The following SMARCA2 variants were observed in gnomAD, a reference collection of about 807,000 sequenced individuals.
SMARCA2 encodes the protein SWI/SNF related BAF chromatin remodeling complex subunit ATPase 2.
SMARCA2 carries 61 observed loss-of-function variants against 199.8 expected under a neutral mutation model. The observed-to-expected ratio is 0.31, with a 90% CI of 0.25 to 0.38. The LOEUF (loss-of-function observed/expected upper bound fraction) is 0.38. Ranked by LOEUF, SMARCA2 falls within the 10% of genes least tolerant of loss-of-function variation. The pLI, the probability that SMARCA2 is intolerant of heterozygous loss-of-function variation, is 1.00. For missense variants in SMARCA2, 1,344 were observed against 2,012.2 expected (o/e 0.67, Z 6.35); for synonymous variants, 935 against 732.0 (o/e 1.28, Z -4.48).
intron 10 of SMARCA2, among the ~76,000 whole-genome samples, chr9:2,072,361 A>G (rs1821125120): frequency 6.6e-6 from 1 of 152,250 alleles, no homozygotes; most frequent in African/African-American, 2.4e-5. Flanking sequence ...GTTACTGATT[A>G]TATTCAAGTG....
Position 2,058,524 on chromosome 9 carries a change from A to C in SMARCA2, c.1521+60A>C. The C allele has an allele frequency of 4.4e-6, 6 of 1,361,134 alleles. No homozygotes were observed. In the South Asian group the frequency reaches 6.3e-5, roughly 14 times the overall value. The allele number at this position is 1,361,134 out of a possible 1,614,324, so 84.3% of individuals were successfully genotyped here. A position where few individuals can be genotyped will look rare whatever the true frequency, so the allele number is the denominator to read the frequency against. On this transcript the variant is annotated intron_variant, in intron 8 of 33. Transcript: ENST00000349721. ...TCAACCCACGTCCGTCTGCAATGAG[A>C]CCATTAAATATGGTGGTAGTAGAAG... is the stretch of plus-strand genomic sequence containing the variant.
Position 2,152,784 on chromosome 9 carries a change from G to A in SMARCA2, c.3982-8902G>A, listed in dbSNP as rs1586760894. The stretch of plus-strand genomic sequence containing the variant: ...GGAGAATCACTTGAACCTGGGAGGC[G>A]GAGGTTTCAGTGAGCCAAGATCACG... On this transcript the variant is annotated intron_variant, in intron 27 of 33. Transcript: ENST00000349721. Among the ~76,000 whole-genome samples, 11 of 143,998 alleles carry A rather than the reference G, an allele frequency of 7.6e-5. 1 individual carries two copies. The highest frequency in any genetic ancestry group is 1.5e-5 in the Non-Finnish European group (1 of 65,696). 94.5% of individuals were successfully genotyped at this position (143,998 alleles called of 152,430 possible).
intron 1 of SMARCA2, chr9:2,015,834 T>C (rs1818330893): frequency 6.6e-6 from 1 of 151,956 alleles, no homozygotes; most frequent in South Asian, 2.1e-4. Context: ...CAGGTTGCAA[T>C]CCCCCCATCC....
At chr9:2,140,095 T>G (rs1051722034) in intron 27 of SMARCA2, among the ~76,000 whole-genome samples, 1 of 152,184 alleles carries the variant, frequency 6.6e-6, no homozygotes, top group Non-Finnish European at 1.5e-5. Flanking sequence ...TGCAAATTAG[T>G]TGGGGACTTC....
At chr9:2,148,626 TTTTC>T (rs1445131181) in intron 27 of SMARCA2, among the ~76,000 whole-genome samples, 2 of 151,214 alleles carry the variant, frequency 1.3e-5, no homozygotes, top group African/African-American at 2.4e-5. Context: ...TAAGGAGATG[TTTTC>T]TTTCTTTTTT....
At chr9:2,050,266 A>T (rs1820056742) in intron 5 of SMARCA2, among the ~76,000 whole-genome samples, 1 of 151,846 alleles carries the variant, frequency 6.6e-6, no homozygotes, top group African/African-American at 2.4e-5. Context: ...TCTTTCTCTT[A>T]TAATGGAACT....
At chr9:2,147,571 C>T (rs774843091) in intron 27 of SMARCA2, among the ~76,000 whole-genome samples, 8 of 152,132 alleles carry the variant, frequency 5.3e-5, no homozygotes, top group Admixed American at 2.6e-4. Context: ...GTGTTCTGGG[C>T]GTGGTGGCTC....
intron 28 of SMARCA2, chr9:2,162,924 T>C (rs934710729): frequency 6.6e-6 from 1 of 152,216 alleles, no homozygotes; most frequent in African/African-American, 2.4e-5. Flanking sequence ...GATACTACAC[T>C]TGGTCTTAGC....
chr9:2,151,010 C>G (rs542313490), intron 27 of SMARCA2, among the ~76,000 whole-genome samples: 1 of 151,546 alleles, frequency 6.6e-6, no homozygotes, highest in Non-Finnish European at 1.5e-5. Context: ...AGGACCTCAA[C>G]GTATGAATTT....
At chr9:2,025,835 G>C (rs985690871) in intron 1 of SMARCA2, among the ~76,000 whole-genome samples, 3 of 152,168 alleles carry the variant, frequency 2.0e-5, no homozygotes, top group African/African-American at 7.2e-5. Flanking sequence ...TAAGAGGCCA[G>C]GATTATAGGC....
At chr9:2,058,135 A>G (rs1018069328) in intron 7 of SMARCA2, 156 bp from the exon 8 acceptor site, 3 of 669,356 alleles carry the variant, frequency 4.5e-6, no homozygotes, top group Non-Finnish European at 7.9e-6. Context: ...CCACACCTTA[A>G]CTGCAGAGAC....
chr9:2,186,299 C>T (rs1827450121), intron 32 of SMARCA2, 71 bp downstream of exon 32: 4 of 1,485,724 alleles, frequency 2.7e-6, no homozygotes, highest in Admixed American at 2.0e-5. Flanking sequence ...CACAGATGTT[C>T]ACAGAAGAGA....
chr9:2,186,005 T>C, intron 31 of SMARCA2, 91 bp from the exon 32 acceptor site: 1 of 1,239,870 alleles, frequency 8.1e-7, no homozygotes, highest in Non-Finnish European at 1.1e-6. Flanking sequence ...CTAAAATTCA[T>C]GTGAATTAAG....
At chr9:2,162,258 T>C (rs985551120) in intron 28 of SMARCA2, among the ~76,000 whole-genome samples, 24 of 152,312 alleles carry the variant, frequency 1.6e-4, no homozygotes, top group African/African-American at 5.5e-4. Context: ...TTAATTGAAT[T>C]GTTAGAGAAA....
chr9:2,016,367 C>G lies in SMARCA2; in HGVS notation c.-37+963C>G, dbSNP rs1001930460. Reference sequence around the variant, plus strand: ...CACTGCTGGAGGGAAGGGAGGAGGCCCCCAAGGAGGTCGGAGGTGCCCGCC... The same window carrying G: ...CACTGCTGGAGGGAAGGGAGGAGGCGCCCAAGGAGGTCGGAGGTGCCCGCC... On this transcript the variant is annotated intron_variant, in intron 1 of 33. Transcript: ENST00000349721. This position sits in a 1 kb window ranked among gnomAD's most constrained non-coding sequence, Gnocchi z 5.6. 7 of 152,298 alleles carry G rather than the reference C, an allele frequency of 4.6e-5. No homozygotes were observed. The highest frequency in any genetic ancestry group is 2.6e-4 in the Admixed American group (4 of 15,284). The allele number at this position is 152,298 out of a possible 1,614,324, so 9.4% of individuals were successfully genotyped here.
chr9:2,189,357 G>C (rs766055056), intron 32 of SMARCA2, among the ~76,000 whole-genome samples: 4 of 151,992 alleles, frequency 2.6e-5, no homozygotes, highest in Non-Finnish European at 5.9e-5. Context: ...ATCCACTGAC[G>C]CGTGCCTGAC....
At chr9:2,181,416 C>T (rs1322948838) in intron 29 of SMARCA2, 155 bp from the exon 30 acceptor site, 3 of 588,044 alleles carry the variant, frequency 5.1e-6, no homozygotes, top group Non-Finnish European at 9.2e-6. Flanking sequence ...CATCAATCTC[C>T]AATAGAGTTG....
At position 2,160,118 on chromosome 9, in the gene SMARCA2, C is replaced by A. The variant is rs768744542; in HGVS notation, c.3982-1568C>A. On this transcript the variant is annotated intron_variant, in intron 27 of 33. Coordinates refer to ENST00000349721, the MANE Select transcript of SMARCA2 (RefSeq NM_003070.5). ...GCCTCCAAGATATGCGGGACAATTT[C>A]CTTTTCTTAATCTTCGCTTAGCTGC... The A allele has an allele frequency of 4.5e-4, 277 of 611,646 alleles. 1 individual carries two copies. In the Middle Eastern group the frequency reaches 9.6e-3, roughly 21 times the overall value. 37.9% of individuals were successfully genotyped at this position (611,646 alleles called of 1,614,324 possible).
rs916336309 is a variant in SMARCA2 at position 2,169,321 on chromosome 9, T to A, written c.4200-1098T>A. Among the ~76,000 whole-genome samples the A allele has an allele frequency of 6.6e-5, 10 of 152,190 alleles. No homozygotes were observed. ...TCATTTCATATTGTAACTTTAGAAC[T>A]CTTCACAGCGGCCCCGTTGCCTACC... On this transcript the variant is annotated intron_variant, in intron 28 of 33. Coordinates refer to ENST00000349721, the MANE Select transcript of SMARCA2 (RefSeq NM_003070.5). The surrounding 1 kb of genome is among the most constrained non-coding windows in gnomAD (Gnocchi z 6.5).
Sources: gnomAD v4.1 joint callset for allele counts (sites outside exome capture counted in the v4.1 genomes callset) on GRCh38, gnomAD v4.1.1 for gene constraint, Gnocchi (gnomAD v3.1) non-coding constraint, MANE v1.5 for transcripts, NCBI Gene and HGNC (gene_info 2026-07-23, HGNC 2026-07-21) for gene names.